The following SPPL3 variants were observed in gnomAD, a reference collection of about 807,000 sequenced individuals.
SPPL3 encodes signal peptide peptidase-like 3.
Under a neutral mutation model 42.4 loss-of-function variants are expected in SPPL3, and 5 were observed. The observed-to-expected ratio is 0.12, with a 90% CI of 0.06 to 0.25. The LOEUF is 0.25. Ranked by LOEUF, SPPL3 falls within the 10% of genes least tolerant of loss-of-function variation. The pLI, the probability that SPPL3 is intolerant of heterozygous loss-of-function variation, is 1.00. For missense variants in SPPL3, 235 were observed against 489.0 expected (o/e 0.48, Z 4.90); for synonymous variants, 195 against 181.8 (o/e 1.07, Z -0.58).
chr12:120,891,706 T>C (rs1873647161), intron 1 of SPPL3, among the ~76,000 whole-genome samples: 1 of 144,436 alleles, frequency 6.9e-6, no homozygotes, highest in Admixed American at 7.2e-5. Context: ...GTTACTGAAA[T>C]TTTTTTCCCT....
chr12:120,867,459 G>A (rs547054031), intron 1 of SPPL3, among the ~76,000 whole-genome samples: 6 of 152,204 alleles, frequency 3.9e-5, no homozygotes, highest in Admixed American at 2.6e-4. Context: ...AAGGTCAGGA[G>A]ATCGAGACCA....
At chr12:120,860,245 C>A (rs1872585663) in intron 1 of SPPL3, among the ~76,000 whole-genome samples, 1 of 152,080 alleles carries the variant, frequency 6.6e-6, no homozygotes. Context: ...GTCTTTAAGG[C>A]AATAAAGATT....
At chr12:120,792,126 T>A (rs1869937036) in intron 2 of SPPL3, among the ~76,000 whole-genome samples, 1 of 152,168 alleles carries the variant, frequency 6.6e-6, no homozygotes, top group Admixed American at 6.5e-5. Flanking sequence ...ATACATAGCG[T>A]GTTCATGGCA....
At chr12:120,895,481 G>GTAGC (rs1226315458) in intron 1 of SPPL3, among the ~76,000 whole-genome samples, 1 of 151,492 alleles carries the variant, frequency 6.6e-6, no homozygotes, top group African/African-American at 2.4e-5. Context: ...CTTGTGGAAT[G>GTAGC]TAGCCATGGA....
At chr12:120,841,728 C>T (rs1198657396) in intron 1 of SPPL3, among the ~76,000 whole-genome samples, 6 of 152,154 alleles carry the variant, frequency 3.9e-5, no homozygotes, top group Non-Finnish European at 8.8e-5. Context: ...ACAAGTATCC[C>T]TTGTTATCCA....
chr12:120,859,540 T>C (rs1872563714), intron 1 of SPPL3, among the ~76,000 whole-genome samples: 1 of 152,216 alleles, frequency 6.6e-6, no homozygotes, highest in African/African-American at 2.4e-5. Context: ...GAAACACAAA[T>C]CCTGTGGGAA....
At chr12:120,900,703 T>C (rs1325018270) in intron 1 of SPPL3, among the ~76,000 whole-genome samples, 1 of 149,728 alleles carries the variant, frequency 6.7e-6, no homozygotes, top group Admixed American at 6.7e-5. Context: ...AGGTCAGGAG[T>C]TCAAGACCAG....
At chr12:120,805,371 GA>G (rs1181661853) in intron 2 of SPPL3, among the ~76,000 whole-genome samples, 4 of 152,124 alleles carry the variant, frequency 2.6e-5, no homozygotes, top group Non-Finnish European at 5.9e-5. Flanking sequence ...AGAAATAAGA[GA>G]AATTTCTTCA....
chr12:120,833,184 G>T (rs1049048102), intron 1 of SPPL3, among the ~76,000 whole-genome samples: 3 of 152,040 alleles, frequency 2.0e-5, no homozygotes, highest in African/African-American at 7.2e-5. Flanking sequence ...GATCCATTAG[G>T]GAGAATAAGA....
intron 6 of SPPL3, among the ~76,000 whole-genome samples, chr12:120,777,977 G>A (rs968884140): frequency 2.0e-5 from 3 of 151,908 alleles, no homozygotes; most frequent in Non-Finnish European, 2.9e-5. Context: ...GCAAACTCAA[G>A]GAACTGTTTT....
chr12:120,827,913 G>A (rs1335842775), intron 1 of SPPL3, among the ~76,000 whole-genome samples: 2 of 151,760 alleles, frequency 1.3e-5, no homozygotes, highest in Admixed American at 6.6e-5. Flanking sequence ...TCAGCCTCCC[G>A]AGGAGCTGGG....
At chr12:120,788,008 T>G (rs141197368) in intron 3 of SPPL3, among the ~76,000 whole-genome samples, 1 of 152,328 alleles carries the variant, frequency 6.6e-6, no homozygotes, top group Non-Finnish European at 1.5e-5. Context: ...TGTGACTGTA[T>G]TTGCTGGATA....
intron 1 of SPPL3, chr12:120,903,278 C>CGA (rs71076682): frequency 1.3e-5 from 2 of 150,824 alleles, no homozygotes; most frequent in Non-Finnish European, 2.9e-5. Context: ...ACTCTACCCC[C>CGA]GCAGTTTTCC....
chr12:120,891,151 T>C (rs552151264), intron 1 of SPPL3, among the ~76,000 whole-genome samples: 12 of 152,334 alleles, frequency 7.9e-5, no homozygotes, highest in African/African-American at 2.2e-4. Flanking sequence ...CTACTTCTAC[T>C]TGTTATTCCC....
intron 1 of SPPL3, among the ~76,000 whole-genome samples, chr12:120,887,384 AG>A (rs1158121426): frequency 1.3e-5 from 2 of 152,142 alleles, no homozygotes; most frequent in African/African-American, 2.4e-5. Flanking sequence ...TAACTCCTCC[AG>A]TGATTATCCT....
intron 1 of SPPL3, among the ~76,000 whole-genome samples, chr12:120,821,685 T>C (rs1229061618): frequency 6.6e-6 from 1 of 152,250 alleles, no homozygotes; most frequent in Non-Finnish European, 1.5e-5. Flanking sequence ...AAAATGCTAC[T>C]GGATATCTAA....
chr12:120,782,259 C>CGAATAAATAAAA (rs1869570355), intron 6 of SPPL3, among the ~76,000 whole-genome samples: 1 of 152,134 alleles, frequency 6.6e-6, no homozygotes, highest in African/African-American at 2.4e-5. Context: ...AAAGTGGAAA[C>CGAATAAATAAAA]AACCGGTAAA....
At chr12:120,878,434 A>G (rs1873179828) in intron 1 of SPPL3, among the ~76,000 whole-genome samples, 1 of 152,220 alleles carries the variant, frequency 6.6e-6, no homozygotes, top group Non-Finnish European at 1.5e-5. Flanking sequence ...GAATACTAAA[A>G]GCAATGCCTA....
intron 1 of SPPL3, among the ~76,000 whole-genome samples, chr12:120,884,567 CAACT>C (rs1873390946): frequency 1.4e-5 from 2 of 145,120 alleles, no homozygotes; most frequent in South Asian, 2.2e-4. Flanking sequence ...AAAAAAAAAC[CAACT>C]GTCACAATAT....
Sources: gnomAD v4.1 joint callset for allele counts (sites outside exome capture counted in the v4.1 genomes callset) on GRCh38, gnomAD v4.1.1 for gene constraint, MANE v1.5 for transcripts, NCBI Gene and HGNC (gene_info 2026-07-23, HGNC 2026-07-21) for gene names.